LOXHD1: variants seen among roughly 807,000 people sequenced by gnomAD.
LOXHD1 encodes lipoxygenase homology domain-containing protein 1.
Under a neutral mutation model 248.2 loss-of-function variants are expected in LOXHD1, and 205 were observed. That is an observed-to-expected ratio of 0.83 (90% CI 0.74 to 0.93). LOXHD1 has a LOEUF of 0.93. Among genes scored for constraint, LOXHD1 ranks in the 40% least tolerant of loss-of-function variants. The probability of loss-of-function intolerance (pLI) is 0.00; values close to 1 mark genes in which losing one functional copy is unlikely to be tolerated. For synonymous variants in LOXHD1, 1,113 were observed against 1,162.8 expected, an observed-to-expected ratio of 0.96 and a Z score of 0.87; for missense variants, 2,930 against 2,971.6, an observed-to-expected ratio of 0.99 and a Z score of 0.33.
Position 46,604,207 on chromosome 18 carries a change from T to C in LOXHD1, c.782A>G (p.Asn261Ser). ...LSQIVIEDIG[N>S]KRKYDFPLNR... ...AAGGGGGAAGTCATATTTTCTTTTG[T>C]TCCCAATATCTTCAATGACTATCTG... is the stretch of plus-strand genomic sequence containing the variant. Residue 261 changes from asparagine to serine, a missense_variant, in exon 7 of 41, where the codon AAC becomes AGC. By Grantham distance (46) the Asn-to-Ser change is conservative. Transcript: ENST00000642948. 1 of 1,551,754 alleles carries C rather than the reference T, an allele frequency of 6.4e-7. No homozygotes were observed. Among genetic ancestry groups the C allele is most frequent in the Non-Finnish European group, 8.7e-7 (1 of 1,147,004 alleles).
intron 4 of LOXHD1, among the ~76,000 whole-genome samples, chr18:46,632,229 G>T (rs2038834593): frequency 6.6e-6 from 1 of 152,192 alleles, no homozygotes; most frequent in Non-Finnish European, 1.5e-5. Flanking sequence ...ATATAGCTAG[G>T]AGGTGGTAGG....
intron 29 of LOXHD1, among the ~76,000 whole-genome samples, chr18:46,526,684 T>G (rs1488059715): frequency 1.3e-5 from 2 of 152,188 alleles, no homozygotes; most frequent in Non-Finnish European, 2.9e-5. Context: ...TTTGCAGGCT[T>G]GCACTGAAAG....
intron 17 of LOXHD1, among the ~76,000 whole-genome samples, chr18:46,563,780 G>A (rs1341850608): frequency 6.6e-6 from 1 of 152,114 alleles, no homozygotes; most frequent in African/African-American, 2.4e-5. Flanking sequence ...AAGCTGATTG[G>A]CGTCCTTATA....
At chr18:46,486,697 G>A (rs1273677746) in intron 38 of LOXHD1, among the ~76,000 whole-genome samples, 3 of 152,138 alleles carry the variant, frequency 2.0e-5, no homozygotes, top group African/African-American at 2.4e-5. Flanking sequence ...AATCAGTGAG[G>A]GAGGCACGGA....
intron 12 of LOXHD1, among the ~76,000 whole-genome samples, chr18:46,587,427 C>T (rs2038082627): frequency 6.6e-6 from 1 of 152,116 alleles, no homozygotes; most frequent in Non-Finnish European, 1.5e-5. Flanking sequence ...TTTAGAAATC[C>T]TTTTGCCTGG....
intron 1 of LOXHD1, among the ~76,000 whole-genome samples, chr18:46,653,434 C>G (rs2039138368): frequency 6.6e-6 from 1 of 152,160 alleles, no homozygotes; most frequent in Non-Finnish European, 1.5e-5. Flanking sequence ...TCTGTATATA[C>G]AATATTGCTC....
At chr18:46,558,394 AT>A (rs144768431) in intron 20 of LOXHD1, among the ~76,000 whole-genome samples, 1 of 152,360 alleles carries the variant, frequency 6.6e-6, no homozygotes, top group East Asian at 1.9e-4. Flanking sequence ...ACATAATGCT[AT>A]TATATAATAT....
chr18:46,519,913 C>G (rs1220735491), intron 33 of LOXHD1, among the ~76,000 whole-genome samples: 1 of 152,188 alleles, frequency 6.6e-6, no homozygotes, highest in Non-Finnish European at 1.5e-5. Context: ...AACCTGTGTT[C>G]CTTTGTGCCA....
intron 25 of LOXHD1, among the ~76,000 whole-genome samples, chr18:46,541,221 G>A (rs2036545343): frequency 6.6e-6 from 1 of 152,152 alleles, no homozygotes; most frequent in African/African-American, 2.4e-5. Context: ...CCCTTAGCTA[G>A]AAAAGGGAAT....
chr18:46,509,877 G>A (rs2143960491), intron 34 of LOXHD1, 62 bp from the exon 35 acceptor site: 4 of 551,728 alleles, frequency 7.2e-6, no homozygotes, highest in Non-Finnish European at 6.8e-6. Flanking sequence ...GTTGGGGTGG[G>A]CCAGGCCAGA....
chr18:46,601,224 C>T lies in LOXHD1; in HGVS notation c.1127G>A (p.Cys376Tyr). 2 of 1,550,734 alleles carry T rather than the reference C, an allele frequency of 1.3e-6. No individual in the cohort carries two copies. Among genetic ancestry groups the T allele is most frequent in the Non-Finnish European group, 1.7e-6 (2 of 1,146,154 alleles). The change falls in exon 8 of 41, where the codon TGT becomes TAT. Residue 376 changes from cysteine (C) to tyrosine (Y), a missense_variant. By Grantham distance (194) the Cys-to-Tyr change is radical (BLOSUM62 -2). Coordinates refer to ENST00000642948, the MANE Select transcript of LOXHD1 (RefSeq NM_001384474.1). Reference protein sequence around the residue: ...GNVGVNRGWFCEKVVILCPFT... With the variant: ...GNVGVNRGWFYEKVVILCPFT... ...TCTGGGGGCATCCCTTACCTTCTCA[C>T]AGAACCAGCCTCTGTTGACACCCAC...
intron 4 of LOXHD1, among the ~76,000 whole-genome samples, chr18:46,639,323 C>A (rs2038933071): frequency 6.6e-6 from 1 of 152,220 alleles, no homozygotes; most frequent in South Asian, 2.1e-4. Context: ...ACCCCATCAA[C>A]AAGAATCATT....
chr18:46,591,134 G>A (rs72913484), intron 12 of LOXHD1, among the ~76,000 whole-genome samples: 1,658 of 152,232 alleles, frequency 0.011, 14 homozygotes, highest in Non-Finnish European at 0.018. Flanking sequence ...TATTTAGAAG[G>A]GCTACTGGAA....
chr18:46,502,080 T>G (rs1390617237), intron 37 of LOXHD1, among the ~76,000 whole-genome samples: 1 of 152,260 alleles, frequency 6.6e-6, no homozygotes, highest in Non-Finnish European at 1.5e-5. Flanking sequence ...ATAAACATTT[T>G]AAATATTTTG....
chr18:46,621,738 T>TA (rs538241750), intron 4 of LOXHD1, among the ~76,000 whole-genome samples: 33 of 145,938 alleles, frequency 2.3e-4, no homozygotes, highest in South Asian at 2.2e-3. Flanking sequence ...AAAGACCAAT[T>TA]AAAAAAAAAA....
intron 37 of LOXHD1, among the ~76,000 whole-genome samples, chr18:46,501,604 G>T (rs757907166): frequency 6.6e-6 from 1 of 152,160 alleles, no homozygotes; most frequent in Non-Finnish European, 1.5e-5. Context: ...TCTTTAAACA[G>T]AAACACACAT....
intron 1 of LOXHD1, among the ~76,000 whole-genome samples, chr18:46,656,601 T>G (rs894971877): frequency 6.6e-6 from 1 of 152,152 alleles, no homozygotes; most frequent in Non-Finnish European, 1.5e-5. Context: ...GAACGTGGCT[T>G]TGGGGATGTT....
At chr18:46,519,381 C>T (rs1230367519) in intron 33 of LOXHD1, among the ~76,000 whole-genome samples, 1 of 152,228 alleles carries the variant, frequency 6.6e-6, no homozygotes, top group Non-Finnish European at 1.5e-5. Flanking sequence ...TCACAGCGGT[C>T]ATGTTCCCAT....
intron 4 of LOXHD1, among the ~76,000 whole-genome samples, chr18:46,623,441 G>C (rs893872442): frequency 1.3e-5 from 2 of 152,210 alleles, no homozygotes; most frequent in African/African-American, 4.8e-5. Flanking sequence ...CTAAACACAT[G>C]GTACCTTTCA....
Sources: gnomAD v4.1 joint callset for allele counts (sites outside exome capture counted in the v4.1 genomes callset) on GRCh38, gnomAD v4.1.1 for gene constraint, MANE v1.5 for transcripts, NCBI Gene and HGNC (gene_info 2026-07-23, HGNC 2026-07-21) for gene names.